Variants in FREM3 observed in about 807,000 individuals in gnomAD.
FREM3 encodes the protein FRAS1-related extracellular matrix protein 3.
FREM3 carries 105 observed loss-of-function variants against 129.1 expected under a neutral mutation model. The observed-to-expected ratio is 0.81, with a 90% confidence interval of 0.69 to 0.96. FREM3 has a LOEUF of 0.96. Ranked by LOEUF, FREM3 falls within the 40% of genes least tolerant of loss-of-function variation. The pLI, the probability that FREM3 is intolerant of heterozygous loss-of-function variation, is 0.00. For missense variants in FREM3, 2,593 were observed against 2,666.3 expected (o/e 0.97, Z 0.61); for synonymous variants, 1,014 against 1,044.9 (o/e 0.97, Z 0.57).
intron 2 of FREM3, chr4:143,649,122 C>G (rs778493931): frequency 9.9e-5 from 15 of 151,926 alleles, no homozygotes; most frequent in Non-Finnish European, 1.6e-4. Context: ...TAAAATAGAG[C>G]CAATTTAATT....
intron 7 of FREM3, among the ~76,000 whole-genome samples, chr4:143,584,265 C>T (rs963379217): frequency 7.9e-5 from 12 of 151,800 alleles, no homozygotes; most frequent in East Asian, 1.9e-4. Flanking sequence ...AAAAATTAGC[C>T]GGGCGCGGTG....
At position 143,697,736 on chromosome 4, in the gene FREM3, A is replaced by C; in HGVS notation, c.2940T>G (p.Gly980=). The change falls in exon 1 of 8, where the codon GGT becomes GGG. Residue 980 remains glycine, a synonymous_variant. Transcript: ENST00000329798. ...GVIHGKRKDV[G]DLMLSFIVKD... ...TTACAATGAAAGACAGCATCAAGTC[A>C]CCTACATCCTTCCTTTTGCCATGGA... 6.5e-7 allele frequency: 1 copy of C among 1,537,628 alleles called. No homozygotes were observed. Among genetic ancestry groups the C allele is most frequent in the South Asian group, 1.2e-5 (1 of 84,066 alleles).
At position 143,611,359 on chromosome 4, in the gene FREM3, GAAACGCTGAAGGATTCCTCCTCTTCATAA is replaced by G; in HGVS notation, c.5919_5947del (p.Tyr1974ThrfsTer2). 6.5e-7 allele frequency: 1 copy of G among 1,537,118 alleles called. No individual in the cohort carries two copies. Among genetic ancestry groups the G allele is most frequent in the Non-Finnish European group, 8.7e-7 (1 of 1,146,822 alleles). ...CTGTCCTCCCACTGGCAGCCTAAGT[GAAACGCTGAAGGATTCCTCCTCTTCATAA>G]AGGGAGTCATCAATGATCAGGACCT... On this transcript the variant is annotated frameshift_variant, in exon 6 of 8. Coordinates refer to ENST00000329798, the MANE Select transcript of FREM3 (RefSeq NM_001168235.2). LOFTEE classifies it high-confidence loss of function.
chr4:143,686,967 T>C (rs1483211778), intron 2 of FREM3, among the ~76,000 whole-genome samples: 1 of 151,196 alleles, frequency 6.6e-6, no homozygotes, highest in Non-Finnish European at 1.5e-5. Flanking sequence ...AGAAAGGCAA[T>C]AACCAAGATC....
intron 2 of FREM3, among the ~76,000 whole-genome samples, chr4:143,678,188 C>T (rs1432168931): frequency 2.6e-5 from 4 of 152,180 alleles, no homozygotes. Flanking sequence ...GGCACATATA[C>T]ACCATGGAAT....
chr4:143,586,745 T>C (rs942843544), intron 6 of FREM3, among the ~76,000 whole-genome samples: 1 of 152,200 alleles, frequency 6.6e-6, no homozygotes. Flanking sequence ...AAAAGGTAGC[T>C]ATGAACTTAG....
chr4:143,650,673 G>A (rs979149656), intron 2 of FREM3, among the ~76,000 whole-genome samples: 18 of 152,138 alleles, frequency 1.2e-4, no homozygotes, highest in African/African-American at 4.3e-4. Context: ...AAAAGTTTCT[G>A]TAGAAACGAC....
chr4:143,692,064 ACCTAG>A (rs2149862625), intron 2 of FREM3, among the ~76,000 whole-genome samples: 1 of 152,170 alleles, frequency 6.6e-6, no homozygotes, highest in East Asian at 1.9e-4. Flanking sequence ...GGGAGAAAGT[ACCTAG>A]TTAATGGGCA....
chr4:143,621,635 A>G (rs1194759654), intron 4 of FREM3, among the ~76,000 whole-genome samples: 3 of 152,220 alleles, frequency 2.0e-5, no homozygotes, highest in African/African-American at 7.2e-5. Context: ...GTCATTTAAT[A>G]TGCTGAGAAA....
In FREM3 at chr4:143,630,090, C is replaced by T. The variant is rs72723186; in HGVS notation, c.5276-2330G>A. On this transcript the variant is annotated intron_variant, in intron 2 of 7. Coordinates refer to ENST00000329798, the MANE Select transcript of FREM3 (RefSeq NM_001168235.2). The stretch of plus-strand genomic sequence containing the variant: ...CACATGGACCCAGGTTCTGGGCCTG[C>T]CACTTATGAGCCATTTGATCATGAA... Among the ~76,000 whole-genome samples, 593 of 152,206 alleles carry T rather than the reference C, an allele frequency of 3.9e-3. 5 individuals are homozygous for T. The highest frequency in any genetic ancestry group is 0.013 in the South Asian group (65 of 4,822).
At chr4:143,676,465 C>G (rs547723618) in intron 2 of FREM3, among the ~76,000 whole-genome samples, 4 of 152,134 alleles carry the variant, frequency 2.6e-5, no homozygotes, top group Non-Finnish European at 4.4e-5. Context: ...GGAAGCATTC[C>G]CTTTGAAAAC....
At chr4:143,666,784 G>C (rs1739870726) in intron 2 of FREM3, among the ~76,000 whole-genome samples, 1 of 151,146 alleles carries the variant, frequency 6.6e-6, no homozygotes, top group Non-Finnish European at 1.5e-5. Flanking sequence ...ATGGAAGGTT[G>C]TGAAAACAGT....
intron 2 of FREM3, among the ~76,000 whole-genome samples, chr4:143,658,900 G>A (rs767371174): frequency 2.4e-4 from 36 of 151,840 alleles, no homozygotes; most frequent in African/African-American, 6.8e-4. Context: ...ACAAAGTTAC[G>A]GTGAATTCAA....
chr4:143,649,204 T>G (rs1350222519), intron 2 of FREM3: 1 of 152,214 alleles, frequency 6.6e-6, no homozygotes, highest in East Asian at 1.9e-4. Flanking sequence ...CATTGTAAAG[T>G]TTTAAATGGA....
intron 5 of FREM3, among the ~76,000 whole-genome samples, chr4:143,613,191 G>A (rs1254264871): frequency 2.0e-5 from 3 of 152,122 alleles, no homozygotes; most frequent in Non-Finnish European, 2.9e-5. Flanking sequence ...TGACTGTTTC[G>A]TTATCCTGGA....
intron 6 of FREM3, chr4:143,601,838 G>C (rs1402992831): frequency 6.6e-6 from 1 of 152,048 alleles, no homozygotes; most frequent in Admixed American, 6.6e-5. Flanking sequence ...CTCCATGATA[G>C]TTGTCCTTAT....
chr4:143,626,380 A>G (rs1578840595), intron 3 of FREM3, among the ~76,000 whole-genome samples: 1 of 152,280 alleles, frequency 6.6e-6, no homozygotes, highest in Non-Finnish European at 1.5e-5. Context: ...CAGTGCATGT[A>G]GATAGAGTAT....
At chr4:143,592,998 A>G (rs1012727426) in intron 6 of FREM3, among the ~76,000 whole-genome samples, 1 of 152,096 alleles carries the variant, frequency 6.6e-6, no homozygotes, top group Non-Finnish European at 1.5e-5. Flanking sequence ...TTCATCTTCC[A>G]TCGCTGTTAC....
chr4:143,636,309 G>A (rs1739232882), intron 2 of FREM3, among the ~76,000 whole-genome samples: 1 of 144,742 alleles, frequency 6.9e-6, no homozygotes, highest in Admixed American at 7.1e-5. Flanking sequence ...GGTAAATATT[G>A]GGCTGGGCAC....
Sources: allele counts gnomAD v4.1 joint callset (sites outside exome capture counted in the v4.1 genomes callset), GRCh38; gene constraint gnomAD v4.1.1; transcripts MANE v1.5; gene names NCBI Gene and HGNC (gene_info 2026-07-23, HGNC 2026-07-21).